ZRANB3: variants seen among roughly 807,000 people sequenced by gnomAD.
ZRANB3 encodes the protein DNA annealing helicase and endonuclease ZRANB3.
In ZRANB3, 125 loss-of-function variants were observed where a neutral mutation model predicts 133.8. The observed-to-expected ratio is 0.93, with a 90% CI of 0.81 to 1.08. The LOEUF (loss-of-function observed/expected upper bound fraction) is 1.08, where lower values mean the gene tolerates loss of function less well. Among genes scored for constraint, ZRANB3 ranks in the 50% least tolerant of loss-of-function variants. The pLI is 0.00. For missense variants in ZRANB3, 1,229 were observed against 1,275.5 expected, an observed-to-expected ratio of 0.96 and a Z score of 0.56; for synonymous variants, 387 against 432.7, an observed-to-expected ratio of 0.89 and a Z score of 1.31.
chr2:135,524,033 T>C (rs1298796142), intron 1 of ZRANB3, among the ~76,000 whole-genome samples: 1 of 152,216 alleles, frequency 6.6e-6, no homozygotes, highest in Non-Finnish European at 1.5e-5. Context: ...AAAGTGATTA[T>C]ATAATTTAAA....
intron 2 of ZRANB3, among the ~76,000 whole-genome samples, chr2:135,493,149 ATATATATATATATATATATAT>A: frequency 1.5e-5 from 1 of 67,962 alleles, no homozygotes; most frequent in Non-Finnish European, 2.6e-5. Context: ...ATATATATAT[ATATATATATATATATATATAT>A]ATAAATAGAA....
At chr2:135,261,593 T>C (rs1679967896) in intron 12 of ZRANB3, among the ~76,000 whole-genome samples, 1 of 152,196 alleles carries the variant, frequency 6.6e-6, no homozygotes, top group African/African-American at 2.4e-5. Context: ...CTCAAGAAAG[T>C]AAAATTTGGT....
chr2:135,469,602 A>G (rs528249838), intron 2 of ZRANB3, among the ~76,000 whole-genome samples: 16 of 152,316 alleles, frequency 1.1e-4, no homozygotes, highest in South Asian at 6.2e-4. Flanking sequence ...AGTTTGTTAG[A>G]TTTCTTTTTG....
chr2:135,362,067 G>T (rs745459432), intron 3 of ZRANB3, among the ~76,000 whole-genome samples: 1 of 151,860 alleles, frequency 6.6e-6, no homozygotes, highest in African/African-American at 2.4e-5. Flanking sequence ...GCATGGTGGC[G>T]GACACCTGTA....
rs946630201 is a variant in ZRANB3 at position 135,507,619 on chromosome 2, A to T, written c.-7-3123T>A. Among the ~76,000 whole-genome samples the T allele has an allele frequency of 5.0e-4, 76 of 151,800 alleles. 1 individual carries two copies. The highest frequency in any genetic ancestry group is 6.8e-3 in the Middle Eastern group (2 of 294). ...GGCAAGAAGTTAAGTAAAAAATTTT[A>T]AAAAAAAATGTTGCTGTCTATCATC... On this transcript the variant is annotated intron_variant, in intron 1 of 20. Transcript: ENST00000264159.
At chr2:135,310,274 T>C (rs1682910766) in intron 8 of ZRANB3, among the ~76,000 whole-genome samples, 1 of 152,078 alleles carries the variant, frequency 6.6e-6, no homozygotes, top group Admixed American at 6.6e-5. Flanking sequence ...ATCAAGCCAT[T>C]GTAGTATAAG....
intron 1 of ZRANB3, among the ~76,000 whole-genome samples, chr2:135,514,666 C>T (rs1574237619): frequency 6.6e-6 from 1 of 152,136 alleles, no homozygotes; most frequent in Non-Finnish European, 1.5e-5. Flanking sequence ...GCCAGAACTA[C>T]CAATACTATG....
chr2:135,208,577 G>A (rs928642806), intron 18 of ZRANB3, among the ~76,000 whole-genome samples: 5 of 152,264 alleles, frequency 3.3e-5, no homozygotes, highest in Admixed American at 1.3e-4. Context: ...CTCAAGATTC[G>A]GGGACAGAGC....
At chr2:135,246,568 AGAAG>A (rs1409771617) in intron 12 of ZRANB3, among the ~76,000 whole-genome samples, 5 of 152,230 alleles carry the variant, frequency 3.3e-5, no homozygotes, top group African/African-American at 4.8e-5. Flanking sequence ...TGCTCCTTAA[AGAAG>A]GAAGAGTGAT....
chr2:135,426,864 ATATATATATATATATATATAT>A (rs1161424382), intron 2 of ZRANB3, among the ~76,000 whole-genome samples: 1 of 4,574 alleles, frequency 2.2e-4, no homozygotes, highest in African/African-American at 1.0e-3. Flanking sequence ...AAAAAAAAAA[ATATATATATATATATATATAT>A]ATATATATAT....
At chr2:135,524,149 C>G (rs966518899) in intron 1 of ZRANB3, among the ~76,000 whole-genome samples, 2 of 151,786 alleles carry the variant, frequency 1.3e-5, no homozygotes, top group Non-Finnish European at 2.9e-5. Flanking sequence ...TGCAATGGCA[C>G]AATCTCGGGT....
At chr2:135,412,589 T>G (rs1688357645) in intron 2 of ZRANB3, among the ~76,000 whole-genome samples, 1 of 152,128 alleles carries the variant, frequency 6.6e-6, no homozygotes, top group Non-Finnish European at 1.5e-5. Flanking sequence ...TAATCAAGTT[T>G]TTTGATCTGC....
chr2:135,211,698 T>C (rs1694101739), intron 17 of ZRANB3, among the ~76,000 whole-genome samples: 1 of 152,238 alleles, frequency 6.6e-6, no homozygotes, highest in African/African-American at 2.4e-5. Context: ...CTTATTATCA[T>C]AGTTTCCCTA....
intron 3 of ZRANB3, among the ~76,000 whole-genome samples, chr2:135,364,485 C>A (rs1177880816): frequency 1.3e-5 from 2 of 152,192 alleles, no homozygotes; most frequent in African/African-American, 4.8e-5. Context: ...CAGTGGCTCA[C>A]ACCTGTAATC....
chr2:135,397,552 G>A (rs1687548614), intron 2 of ZRANB3, among the ~76,000 whole-genome samples: 1 of 152,010 alleles, frequency 6.6e-6, no homozygotes, highest in African/African-American at 2.4e-5. Context: ...TATAGTTAAA[G>A]ATGGCATTTG....
At chr2:135,511,833 G>A in intron 1 of ZRANB3, 4 of 762,130 alleles carry the variant, frequency 5.2e-6, no homozygotes, top group South Asian at 4.0e-5. Flanking sequence ...CATAAGAAGA[G>A]TTCCTTCCAT....
intron 6 of ZRANB3, among the ~76,000 whole-genome samples, chr2:135,329,763 GA>G (rs1182861658): frequency 6.6e-6 from 1 of 152,150 alleles, no homozygotes; most frequent in African/African-American, 2.4e-5. Flanking sequence ...TCTCTTTGAA[GA>G]GGTCCTTCAC....
rs568211206 is a variant in ZRANB3 at position 135,384,804 on chromosome 2, T to C, written c.180+5998A>G. On this transcript the variant is annotated intron_variant, in intron 3 of 20. Coordinates refer to ENST00000264159, the MANE Select transcript of ZRANB3 (RefSeq NM_032143.4). ...GACAAAATTCAACAGCCCTTCATGC[T>C]AAAAACTCTCAATAAATTGGGTATT... 7.9e-5 allele frequency among the ~76,000 whole-genome samples: 12 copies of C among 152,326 alleles called. No homozygotes were observed. The East Asian group carries it at 2.3e-3, about 29-fold the overall frequency.
intron 8 of ZRANB3, among the ~76,000 whole-genome samples, chr2:135,301,536 G>A (rs1178651098): frequency 6.6e-6 from 1 of 152,122 alleles, no homozygotes; most frequent in African/African-American, 2.4e-5. Context: ...CCAGGCTGGA[G>A]AATTCCTCCC....
Sources: allele counts gnomAD v4.1 joint callset (sites outside exome capture counted in the v4.1 genomes callset), GRCh38; gene constraint gnomAD v4.1.1; transcripts MANE v1.5; gene names NCBI Gene and HGNC (gene_info 2026-07-23, HGNC 2026-07-21).